Variants in SGSM3 observed in about 807,000 individuals in gnomAD.
The protein encoded by SGSM3 is small G protein signaling modulator 3, also known as RUN and SH3 containing 3.
In SGSM3, 96 loss-of-function variants were observed where a neutral mutation model predicts 100.5. The observed-to-expected ratio is 0.96, with a 90% CI of 0.81 to 1.13. The LOEUF (loss-of-function observed/expected upper bound fraction) is 1.13. Ranked by LOEUF, SGSM3 falls within the 50% of genes most tolerant of loss-of-function variation. The probability of loss-of-function intolerance (pLI) is 0.00; values close to 1 mark genes in which losing one functional copy is unlikely to be tolerated. For synonymous variants in SGSM3, 483 were observed against 422.8 expected (o/e 1.14, Z -1.75); for missense variants, 1,001 against 1,015.8 (o/e 0.99, Z 0.20).
At chr22:40,382,419 T>A (rs541641528) in intron 1 of SGSM3, among the ~76,000 whole-genome samples, 4 of 152,148 alleles carry the variant, frequency 2.6e-5, no homozygotes, top group Non-Finnish European at 5.9e-5. Context: ...TTTCCTTAGA[T>A]GTCTTGGGGT....
chr22:40,397,195 G>A (rs987772918), intron 1 of SGSM3, among the ~76,000 whole-genome samples: 7 of 152,100 alleles, frequency 4.6e-5, no homozygotes, highest in African/African-American at 9.7e-5. Context: ...GAGAAGTGGC[G>A]TGTTTATATA....
intron 1 of SGSM3, among the ~76,000 whole-genome samples, chr22:40,393,134 T>C (rs1313452066): frequency 6.6e-6 from 1 of 152,240 alleles, no homozygotes; most frequent in Non-Finnish European, 1.5e-5. Context: ...TTTTTCTTTT[T>C]TGAGACAGAG....
In SGSM3 at chr22:40,408,950, C is replaced by T. The variant is rs199793366; in HGVS notation, c.1920C>T (p.Asn640=). The T allele has an allele frequency of 1.9e-5, 30 of 1,609,348 alleles. 1 individual carries two copies. The highest frequency in any genetic ancestry group is 1.7e-4 in the Middle Eastern group (1 of 6,054). ...ELLYRAVQSV[N]VTHDAVHAQM... ...GTTCCCAGGCTGTGCAGTCTGTGAA[C>T]GTGACCCACGATGCAGTGCATGCAC... The change falls in exon 19 of 22, where the codon AAC becomes AAT. Residue 640 remains asparagine (N), a synonymous_variant. Transcript: ENST00000248929.
chr22:40,377,795 G>A (rs2046885564), intron 1 of SGSM3, among the ~76,000 whole-genome samples: 1 of 150,830 alleles, frequency 6.6e-6, no homozygotes, highest in African/African-American at 2.4e-5. Flanking sequence ...GCAGTGAGCT[G>A]TGATCGTGCC....
rs892546100 is a variant in SGSM3 at position 40,409,372 on chromosome 22, G to A, written c.2111G>A (p.Arg704Gln). ...PGWVQIKCEL[R>Q]VLCCFAFSLS... is the part of the protein sequence containing the mutation. The stretch of plus-strand genomic sequence containing the variant: ...TGGGTCCAGATCAAGTGTGAGCTCC[G>A]GTGAGGACCTTACTGGGCTTGGGGG... The change falls in exon 20 of 22, where the codon CGA (arginine) becomes CAA (glutamine). Residue 704 changes from arginine to glutamine, a missense_variant and splice_region_variant. Coordinates refer to ENST00000248929, the MANE Select transcript of SGSM3 (RefSeq NM_015705.6). 22 of 1,598,402 alleles carry A rather than the reference G, an allele frequency of 1.4e-5. No homozygotes were observed. The highest frequency in any genetic ancestry group is 2.2e-5 in the East Asian group (1 of 44,702).
intron 1 of SGSM3, among the ~76,000 whole-genome samples, chr22:40,400,304 CT>C (rs752196326): frequency 2.7e-4 from 41 of 152,198 alleles, no homozygotes; most frequent in Admixed American, 3.3e-4. Context: ...CACCTACTTC[CT>C]TTCGTAGAGT....
chr22:40,408,653 CTT>C lies in SGSM3; in HGVS notation c.1811_1812del (p.Phe604CysfsTer11). The C allele has an allele frequency of 3.1e-6, 5 of 1,614,046 alleles. No homozygotes were observed. Among genetic ancestry groups the C allele is most frequent in the East Asian group, 2.2e-5 (1 of 44,870 alleles). On this transcript the variant is annotated frameshift_variant, in exon 17 of 22. Coordinates refer to ENST00000248929, the MANE Select transcript of SGSM3 (RefSeq NM_015705.6). LOFTEE classifies it high-confidence loss of function. The stretch of plus-strand genomic sequence containing the variant: ...CTGCAGGCCGGGAGGTCGAGAGAGA[CTT>C]TGCCTCCGTGTATTCCCGTCTGGTG... The part of the protein sequence containing the change: ...EAAGREVERD[F>X]ASVYSRLVLC...
intron 1 of SGSM3, among the ~76,000 whole-genome samples, chr22:40,395,915 A>G (rs948506101): frequency 2.6e-5 from 4 of 151,586 alleles, no homozygotes; most frequent in Admixed American, 6.6e-5. Flanking sequence ...GCAAGCATCC[A>G]CTCTTGTCTC....
intron 1 of SGSM3, among the ~76,000 whole-genome samples, chr22:40,381,898 G>T (rs971848464): frequency 6.6e-6 from 1 of 152,212 alleles, no homozygotes; most frequent in Non-Finnish European, 1.5e-5. Context: ...GGCAGAAGTT[G>T]CAGTGAGCCA....
chr22:40,406,202 G>A lies in SGSM3; in HGVS notation c.939G>A (p.Thr313=), dbSNP rs1261330943. 1.9e-6 allele frequency: 3 copies of A among 1,614,010 alleles called. No individual in the cohort carries two copies. Among genetic ancestry groups the A allele is most frequent in the Middle Eastern group, 1.7e-4 (1 of 6,058 alleles). The change falls in exon 9 of 22, where the codon ACG becomes ACA. Residue 313 remains threonine, a synonymous_variant. Coordinates refer to ENST00000248929, the MANE Select transcript of SGSM3 (RefSeq NM_015705.6). ...YEGSRVLFQL[T]LGMLHLKEEE... is the part of the protein sequence containing the mutation. ...GCTCCCGGGTGCTGTTCCAGCTCAC[G>A]CTGGGCATGCTGCACCTCAAGGTGC...
intron 1 of SGSM3, among the ~76,000 whole-genome samples, chr22:40,389,492 C>A (rs887933269): frequency 1.7e-4 from 25 of 147,550 alleles, no homozygotes; most frequent in Non-Finnish European, 1.0e-4. Context: ...CCAGCTACTC[C>A]GGAGGCTGAG....
chr22:40,406,741 G>C, intron 10 of SGSM3, 79 bp downstream of exon 10: 1 of 1,269,156 alleles, frequency 7.9e-7, no homozygotes, highest in Non-Finnish European at 1.1e-6. Flanking sequence ...GAGCGCGGGG[G>C]CTGCGGAAAA....
rs1020168229 is a variant in SGSM3 at position 40,407,979 on chromosome 22, C to T, written c.1580-92C>T. 1.1e-4 allele frequency: 166 copies of T among 1,485,752 alleles called. 1 individual carries two copies. The highest frequency in any genetic ancestry group is 1.1e-3 in the Middle Eastern group (6 of 5,642). The allele number at this position is 1,485,752 out of a possible 1,614,324, so 92.0% of individuals were successfully genotyped here. On this transcript the variant is annotated intron_variant, in intron 14 of 21. Coordinates refer to ENST00000248929, the MANE Select transcript of SGSM3 (RefSeq NM_015705.6). The surrounding 1 kb of genome is among the most constrained non-coding windows in gnomAD (Gnocchi z 4.7). The stretch of plus-strand genomic sequence containing the variant: ...CTTGAGGTCCCTGAAGCAGCTGAGC[C>T]GGCTTCCCACTGCCTCAGCCTGCCT...
chr22:40,394,728 A>G (rs751503935), intron 1 of SGSM3, among the ~76,000 whole-genome samples: 16 of 151,518 alleles, frequency 1.1e-4, no homozygotes, highest in South Asian at 6.2e-4. Context: ...TCCTTTTCCA[A>G]CGTTATCTGC....
At chr22:40,375,473 G>C (rs1209585372) in intron 1 of SGSM3, among the ~76,000 whole-genome samples, 2 of 151,846 alleles carry the variant, frequency 1.3e-5, no homozygotes, top group African/African-American at 4.8e-5. Flanking sequence ...CCAGCTATTC[G>C]GGAGGCTGAG....
At chr22:40,382,360 G>A (rs1343375673) in intron 1 of SGSM3, among the ~76,000 whole-genome samples, 5 of 151,998 alleles carry the variant, frequency 3.3e-5, no homozygotes, top group African/African-American at 1.2e-4. Flanking sequence ...GTTTTTCCTG[G>A]GGTATCTCAA....
chr22:40,409,405 T>C, intron 20 of SGSM3, 33 bp downstream of exon 20: 1 of 1,574,544 alleles, frequency 6.4e-7, no homozygotes, highest in Middle Eastern at 1.7e-4. Flanking sequence ...GGGATGGAGG[T>C]GGGGTGGGAA....
intron 1 of SGSM3, among the ~76,000 whole-genome samples, chr22:40,400,274 C>T (rs2050574351): frequency 6.6e-6 from 1 of 152,216 alleles, no homozygotes; most frequent in South Asian, 2.1e-4. Flanking sequence ...TGAAATCTTT[C>T]AACCACATCT....
intron 1 of SGSM3, among the ~76,000 whole-genome samples, chr22:40,374,145 C>T (rs944805254): frequency 1.3e-5 from 2 of 151,480 alleles, no homozygotes; most frequent in African/African-American, 2.4e-5. Context: ...TTAGTAGAGA[C>T]GGGGCTTCAC....
Sources: allele counts gnomAD v4.1 joint callset (sites outside exome capture counted in the v4.1 genomes callset), GRCh38; gene constraint gnomAD v4.1.1; non-coding constraint Gnocchi (gnomAD v3.1); transcripts MANE v1.5; gene names NCBI Gene and HGNC (gene_info 2026-07-23, HGNC 2026-07-21).